The following TLL1 variants were observed in gnomAD, a reference collection of about 807,000 sequenced individuals.
TLL1 encodes the protein tolloid like 1.
A neutral mutation model predicts 128.2 loss-of-function variants in TLL1; 49 were observed. That is an observed-to-expected ratio of 0.38 (90% CI 0.30 to 0.48). TLL1 has a LOEUF of 0.48. Ranked by LOEUF, TLL1 falls within the 20% of genes least tolerant of loss-of-function variation. TLL1 has a pLI of 0.96. For missense variants in TLL1, 1,123 were observed against 1,242.0 expected, an observed-to-expected ratio of 0.90 and a Z score of 1.44; for synonymous variants, 454 against 418.8, an observed-to-expected ratio of 1.08 and a Z score of -1.03.
chr4:166,025,405 A>C lies in TLL1; in HGVS notation c.1132A>C (p.Arg378=). 1 of 1,613,634 alleles carries C rather than the reference A, an allele frequency of 6.2e-7. No individual in the cohort carries two copies. Among genetic ancestry groups the C allele is most frequent in the Non-Finnish European group, 8.5e-7 (1 of 1,179,626 alleles). The part of the protein sequence containing the change: ...GYPSYTHCIW[R]VSVTPGEKIV... Reference sequence around the variant, plus strand: ...CCCTTCTTACACACACTGCATCTGGAGAGTTTCTGTGACCCCAGGGGAGAA... The same window carrying C: ...CCCTTCTTACACACACTGCATCTGGCGAGTTTCTGTGACCCCAGGGGAGAA... Residue 378 remains arginine, a synonymous_variant, in exon 9 of 21, where the codon AGA becomes CGA. Coordinates refer to ENST00000061240, the MANE Select transcript of TLL1 (RefSeq NM_012464.5).
At chr4:165,980,817 T>C (rs1736117663) in intron 1 of TLL1, among the ~76,000 whole-genome samples, 1 of 152,102 alleles carries the variant, frequency 6.6e-6, no homozygotes, top group African/African-American at 2.4e-5. Context: ...TGAATTCCTA[T>C]TGCCTAGCAC....
At position 165,967,175 on chromosome 4, in the gene TLL1, C is replaced by T. The variant is rs147086796; in HGVS notation, c.170-22206C>T. Among the ~76,000 whole-genome samples, 16 of 152,304 alleles carry T rather than the reference C, an allele frequency of 1.1e-4. No individual in the cohort carries two copies. In the East Asian group the frequency reaches 1.2e-3, roughly 11 times the overall value. ...TATGACTCTGTTCTGTCTGGCCCCT[C>T]GGGCAGTCAGGCCCAATGGTTATCT... is the stretch of plus-strand genomic sequence containing the variant. On this transcript the variant is annotated intron_variant, in intron 1 of 20. Coordinates refer to ENST00000061240, the MANE Select transcript of TLL1 (RefSeq NM_012464.5).
chr4:165,901,189 C>T lies in TLL1; in HGVS notation c.169+27116C>T, dbSNP rs148828795. On this transcript the variant is annotated intron_variant, in intron 1 of 20. Coordinates refer to ENST00000061240, the MANE Select transcript of TLL1 (RefSeq NM_012464.5). ...CCTTGCATTGGATTAGAACATGCTCCTTTAGCTCAGAGGAGTTTGTTATTA... is the reference window on the plus strand; with the variant it reads ...CCTTGCATTGGATTAGAACATGCTCTTTTAGCTCAGAGGAGTTTGTTATTA... Among the ~76,000 whole-genome samples the T allele has an allele frequency of 8.7e-3, 1,330 of 152,154 alleles. 22 individuals carry two copies. The highest frequency in any genetic ancestry group is 0.03 in the African/African-American group (1,250 of 41,474).
intron 1 of TLL1, among the ~76,000 whole-genome samples, chr4:165,963,999 A>T (rs185392872): frequency 1.3e-5 from 2 of 152,332 alleles, no homozygotes; most frequent in East Asian, 3.9e-4. Flanking sequence ...CCCATCTGCC[A>T]TGCTGTATAC....
At chr4:165,983,038 A>G (rs1736224373) in intron 1 of TLL1, among the ~76,000 whole-genome samples, 1 of 151,846 alleles carries the variant, frequency 6.6e-6, no homozygotes, top group Admixed American at 6.6e-5. Context: ...TTTTTTTAAA[A>G]CTTCTGAACT....
chr4:165,889,940 C>A (rs1731320903), intron 1 of TLL1, among the ~76,000 whole-genome samples: 1 of 152,030 alleles, frequency 6.6e-6, no homozygotes, highest in Non-Finnish European at 1.5e-5. Context: ...AAAGACCTAC[C>A]CGAGACTGAA....
chr4:166,076,704 G>A lies in TLL1; in HGVS notation c.2315-1199G>A, dbSNP rs191153977. 2.0e-5 allele frequency among the ~76,000 whole-genome samples: 3 copies of A among 152,214 alleles called. No individual in the cohort carries two copies. In the East Asian group the frequency reaches 5.8e-4, roughly 29 times the overall value. On this transcript the variant is annotated intron_variant, in intron 17 of 20. Coordinates refer to ENST00000061240, the MANE Select transcript of TLL1 (RefSeq NM_012464.5). ...CATTTCACATTGTGAGGCAGAGACA[G>A]GGACAATGGAATTTAGAAAACCCTT... is the stretch of plus-strand genomic sequence containing the variant.
At chr4:165,887,111 A>G (rs2110823069) in intron 1 of TLL1, among the ~76,000 whole-genome samples, 1 of 152,360 alleles carries the variant, frequency 6.6e-6, no homozygotes, top group Admixed American at 6.5e-5. Flanking sequence ...AGGGATCTTT[A>G]GAGCCCAGGG....
At chr4:165,949,406 G>A (rs932880862) in intron 1 of TLL1, among the ~76,000 whole-genome samples, 1 of 152,116 alleles carries the variant, frequency 6.6e-6, no homozygotes, top group Non-Finnish European at 1.5e-5. Context: ...CACTAACTGA[G>A]CCACACTGTC....
At chr4:166,003,362 C>A (rs773448950) in intron 5 of TLL1, 29 bp from the exon 6 acceptor site, 1 of 1,613,118 alleles carries the variant, frequency 6.2e-7, no homozygotes, top group South Asian at 1.1e-5. Flanking sequence ...ACCTTTCCAC[C>A]ACCATCTCCA....
At chr4:165,921,553 C>CT (rs1733042390) in intron 1 of TLL1, among the ~76,000 whole-genome samples, 1 of 152,140 alleles carries the variant, frequency 6.6e-6, no homozygotes, top group Non-Finnish European at 1.5e-5. Context: ...TGACCATAAG[C>CT]TTTATACCCC....
chr4:166,040,244 G>A (rs528321226), intron 10 of TLL1, among the ~76,000 whole-genome samples: 1 of 152,098 alleles, frequency 6.6e-6, no homozygotes, highest in South Asian at 2.1e-4. Flanking sequence ...TACTGAATGG[G>A]CACAATTGTA....
Position 166,055,223 on chromosome 4 carries a change from TC to T in TLL1, c.1673del (p.Ser558LeufsTer5). ...TSNTLWMKFV[S>X]DGTVNKAGFA... ...CAATACTTTGTGGATGAAGTTTGTT[TC>T]TGACGGAACTGTGAACAAAGCAGGG... is the stretch of plus-strand genomic sequence containing the variant. On this transcript the variant is annotated frameshift_variant, in exon 13 of 21. Coordinates refer to ENST00000061240, the MANE Select transcript of TLL1 (RefSeq NM_012464.5). LOFTEE classifies it high-confidence loss of function. 6.2e-7 allele frequency: 1 copy of T among 1,613,764 alleles called. No homozygotes were observed.
In TLL1 at chr4:166,092,817, G is replaced by A. The variant is rs187645699; in HGVS notation, c.2656+1476G>A. Among the ~76,000 whole-genome samples, 304 of 152,182 alleles carry A rather than the reference G, an allele frequency of 2.0e-3. 4 individuals are homozygous for A. The highest frequency in any genetic ancestry group is 5.9e-4 in the Non-Finnish European group (40 of 67,992). The stretch of plus-strand genomic sequence containing the variant: ...ATAACTGAGGTTCCATTATGTCCCA[G>A]TGTGTTGGTACATCTGGGTTCCTGC... On this transcript the variant is annotated intron_variant, in intron 19 of 20. Transcript: ENST00000061240.
intron 1 of TLL1, among the ~76,000 whole-genome samples, chr4:165,950,805 T>C (rs987486055): frequency 1.3e-5 from 2 of 151,984 alleles, no homozygotes; most frequent in African/African-American, 2.4e-5. Context: ...ATGCTTATAT[T>C]TAAAAAGTTC....
At position 165,873,598 on chromosome 4, in the gene TLL1, C is replaced by G. The variant is rs1730588065; in HGVS notation, c.-307C>G. 4.3e-6 allele frequency: 1 copy of G among 230,594 alleles called. No homozygotes were observed. The highest frequency in any genetic ancestry group is 1.4e-4 in the South Asian group (1 of 7,328). 14.3% of individuals were successfully genotyped at this position (230,594 alleles called of 1,614,324 possible). ...GGACGACCTGGCAGGCTGCGAGCGCCAGCGCCGCCAGAGCCGAGTTTGCCT... is the reference window on the plus strand; with the variant it reads ...GGACGACCTGGCAGGCTGCGAGCGCGAGCGCCGCCAGAGCCGAGTTTGCCT... On this transcript the variant is annotated 5_prime_UTR_variant, in exon 1 of 21. Coordinates refer to ENST00000061240, the MANE Select transcript of TLL1 (RefSeq NM_012464.5).
intron 1 of TLL1, among the ~76,000 whole-genome samples, chr4:165,984,448 G>A (rs1379279100): frequency 6.6e-6 from 1 of 151,872 alleles, no homozygotes; most frequent in African/African-American, 2.4e-5. Context: ...TGTCAATCAT[G>A]TAAAAATAGT....
chr4:165,959,086 C>T (rs539750004), intron 1 of TLL1, among the ~76,000 whole-genome samples: 19 of 149,694 alleles, frequency 1.3e-4, no homozygotes, highest in Non-Finnish European at 2.5e-4. Context: ...TGTTTTGGTA[C>T]CAGTACCATG....
At chr4:165,895,734 G>A (rs372076445) in intron 1 of TLL1, among the ~76,000 whole-genome samples, 1 of 140,380 alleles carries the variant, frequency 7.1e-6, no homozygotes, top group Admixed American at 7.0e-5. Flanking sequence ...CATAAAAGAA[G>A]AAAAAGGTGG....
Sources: allele counts gnomAD v4.1 joint callset (sites outside exome capture counted in the v4.1 genomes callset), GRCh38; gene constraint gnomAD v4.1.1; transcripts MANE v1.5; gene names NCBI Gene and HGNC (gene_info 2026-07-23, HGNC 2026-07-21).